SYT14: variants seen among roughly 807,000 people sequenced by gnomAD.
SYT14 encodes the protein synaptotagmin 14.
A neutral mutation model predicts 74.2 loss-of-function variants in SYT14; 32 were observed. The observed-to-expected ratio is 0.43, with a 90% CI of 0.33 to 0.58. The LOEUF is 0.58. Ranked by LOEUF, SYT14 falls within the 20% of genes least tolerant of loss-of-function variation. SYT14 has a pLI of 0.05. For synonymous variants in SYT14, 298 were observed against 337.7 expected (o/e 0.88, Z 1.29); for missense variants, 791 against 981.8 (o/e 0.81, Z 2.60).
chr1:210,169,221 G>GTTTTGTTTTTTTTTTTT (rs2083492384), exon 10 of SYT14: 1 of 50,248 alleles, frequency 2.0e-5, no homozygotes, highest in African/African-American at 7.8e-5. Context: ...TGTTTTTGGT[G>GTTTTGTTTTTTTTTTTT]TTTTTTTTTT....
intron 5 of SYT14, among the ~76,000 whole-genome samples, chr1:210,071,158 A>G (rs1572248329): frequency 6.6e-6 from 1 of 150,882 alleles, no homozygotes; most frequent in South Asian, 2.1e-4. Flanking sequence ...ACAGATGGAA[A>G]AATTGAGGCA....
At chr1:210,027,109 TAA>T (rs776879540) in intron 5 of SYT14, among the ~76,000 whole-genome samples, 1 of 152,168 alleles carries the variant, frequency 6.6e-6, no homozygotes, top group Admixed American at 6.5e-5. Context: ...TTGATAATAT[TAA>T]GTCAATTAAT....
At position 210,061,369 on chromosome 1, in the gene SYT14, G is replaced by T. The variant is rs150692602; in HGVS notation, c.1313-32953G>T. Among the ~76,000 whole-genome samples, 822 of 152,012 alleles carry T rather than the reference G, an allele frequency of 5.4e-3. 4 individuals are homozygous for T. The highest frequency in any genetic ancestry group is 0.018 in the African/African-American group (755 of 41,514). On this transcript the variant is annotated intron_variant, in intron 5 of 9. Coordinates refer to ENST00000637265, the Ensembl canonical transcript of SYT14. ...TATCAAAATATATGCGTTTATTCTT[G>T]CCTATGCGAATTTTAAATCAGAGGC... is the stretch of plus-strand genomic sequence containing the variant.
intron 5 of SYT14, among the ~76,000 whole-genome samples, chr1:210,034,522 T>G: frequency 6.6e-6 from 1 of 151,650 alleles, no homozygotes; most frequent in East Asian, 1.9e-4. Context: ...AGCCTGGGCT[T>G]TTAGTGTAAC....
At chr1:210,017,189 C>T in intron 4 of SYT14, 1 of 888,698 alleles carries the variant, frequency 1.1e-6, no homozygotes, top group Non-Finnish European at 1.5e-6. Context: ...CTCAGCTTTC[C>T]TGTTCATGTG....
chr1:210,094,326 C>T, exon 6 of SYT14: 1 of 1,613,776 alleles, frequency 6.2e-7, no homozygotes, highest in Non-Finnish European at 8.5e-7. Flanking sequence ...TATCAGGAAA[C>T]TGCATTCAGA....
rs563977856 is a variant in SYT14 at position 210,065,558 on chromosome 1, T to C, written c.1313-28764T>C. Among the ~76,000 whole-genome samples, 15 of 152,018 alleles carry C rather than the reference T, an allele frequency of 9.9e-5. 1 individual carries two copies. The South Asian group carries it at 3.1e-3, about 31-fold the overall frequency. Reference sequence around the variant, plus strand: ...AGGTATGTCTTTTTTTTTTAAGTTTTATTTAAATTTTTATTTAAAATTGAG... The same window carrying C: ...AGGTATGTCTTTTTTTTTTAAGTTTCATTTAAATTTTTATTTAAAATTGAG... On this transcript the variant is annotated intron_variant, in intron 5 of 9. Coordinates refer to ENST00000637265, the Ensembl canonical transcript of SYT14.
intron 2 of SYT14, among the ~76,000 whole-genome samples, chr1:209,969,443 G>C (rs1345899373): frequency 6.7e-6 from 1 of 148,956 alleles, no homozygotes; most frequent in Non-Finnish European, 1.5e-5. Context: ...TAGCCGTTCT[G>C]ACTAGTGTGA....
intron 7 of SYT14, among the ~76,000 whole-genome samples, chr1:210,103,789 A>G (rs1045488608): frequency 2.6e-5 from 4 of 152,158 alleles, no homozygotes; most frequent in Admixed American, 1.3e-4. Flanking sequence ...TTGTCTAATT[A>G]TGCTAGTATA....
chr1:210,048,547 C>T (rs1289591762), intron 5 of SYT14, among the ~76,000 whole-genome samples: 3 of 152,168 alleles, frequency 2.0e-5, no homozygotes, highest in Admixed American at 6.5e-5. Flanking sequence ...AGGAAAGATG[C>T]ACCCCCATAA....
chr1:210,076,577 A>G (rs1016147327), intron 5 of SYT14, among the ~76,000 whole-genome samples: 2 of 152,182 alleles, frequency 1.3e-5, no homozygotes, highest in Non-Finnish European at 2.9e-5. Flanking sequence ...GAAATACCCA[A>G]GACTAGGCTG....
At chr1:209,970,528 A>G (rs2079232676) in intron 2 of SYT14, among the ~76,000 whole-genome samples, 2 of 151,894 alleles carry the variant, frequency 1.3e-5, no homozygotes, top group African/African-American at 4.8e-5. Context: ...TTTGCTTAGG[A>G]TGGCTTTCAC....
intron 7 of SYT14, among the ~76,000 whole-genome samples, chr1:210,143,954 C>A (rs1294169655): frequency 6.6e-6 from 1 of 151,956 alleles, no homozygotes; most frequent in Non-Finnish European, 1.5e-5. Flanking sequence ...GGTACTGTTA[C>A]TATATTATTT....
chr1:209,939,727 T>TCTACCACA (rs549950146), intron 1 of SYT14, among the ~76,000 whole-genome samples: 3 of 152,228 alleles, frequency 2.0e-5, no homozygotes, highest in Non-Finnish European at 4.4e-5. Context: ...GCCGTGAAAC[T>TCTACCACA]CTACCACACT....
At chr1:209,946,545 T>C (rs1192615740) in intron 1 of SYT14, among the ~76,000 whole-genome samples, 1 of 152,206 alleles carries the variant, frequency 6.6e-6, no homozygotes, top group Admixed American at 6.5e-5. Context: ...TCTTCAATTC[T>C]GTGAATGCTG....
rs191704137 is a variant in SYT14, at chr1:210,161,386, A to G, written c.*344A>G. The G allele has an allele frequency of 1.7e-4, 77 of 459,106 alleles. No homozygotes were observed. In the Middle Eastern group the frequency reaches 2.8e-3, roughly 17 times the overall value. The allele number at this position is 459,106 out of a possible 1,614,324, so 28.4% of individuals were successfully genotyped here. ...AATCAAAATTATAAGTGATTTTAAA[A>G]ACCAGAATTTTAGTTGCAATACAAT... is the stretch of plus-strand genomic sequence containing the variant. On this transcript the variant is annotated 3_prime_UTR_variant, in exon 10 of 10. Transcript: ENST00000637265.
At chr1:209,941,464 A>G (rs1572042093) in intron 1 of SYT14, among the ~76,000 whole-genome samples, 1 of 152,202 alleles carries the variant, frequency 6.6e-6, no homozygotes, top group East Asian at 1.9e-4. Context: ...TGTAATTGCT[A>G]TCCAGCATAT....
chr1:209,969,679 G>A (rs1160852839), intron 2 of SYT14, among the ~76,000 whole-genome samples: 1 of 151,700 alleles, frequency 6.6e-6, no homozygotes, highest in Non-Finnish European at 1.5e-5. Flanking sequence ...AGTGTAGACG[G>A]GGTTTCACCG....
chr1:210,009,214 CCAAATGTTTTTATACT>C (rs2080042221), intron 2 of SYT14, among the ~76,000 whole-genome samples: 1 of 152,036 alleles, frequency 6.6e-6, no homozygotes, highest in Non-Finnish European at 1.5e-5. Context: ...GTGGGATTTA[CCAAATGTTTTTATACT>C]CAGAACTGTT....
Sources: gnomAD v4.1 joint callset for allele counts (sites outside exome capture counted in the v4.1 genomes callset) on GRCh38, gnomAD v4.1.1 for gene constraint, MANE v1.5 for transcripts, NCBI Gene and HGNC (gene_info 2026-07-23, HGNC 2026-07-21) for gene names.